The following FHL2 variants were observed in gnomAD, a reference collection of about 807,000 sequenced individuals.
FHL2 encodes four and a half LIM domains 2, also known as four and a half LIM domains protein 2.
Under a neutral mutation model 32.7 loss-of-function variants are expected in FHL2, and 20 were observed. The ratio of observed to expected loss-of-function variants is 0.61; its 90% CI spans 0.43 to 0.89. The LOEUF (loss-of-function observed/expected upper bound fraction) is 0.89, where lower values mean the gene tolerates loss of function less well. Among genes scored for constraint, FHL2 ranks in the 40% least tolerant of loss-of-function variants. The pLI is 0.00. For missense variants in FHL2, 311 were observed against 358.6 expected (o/e 0.87, Z 1.07); for synonymous variants, 123 against 128.1 (o/e 0.96, Z 0.27).
intron 4 of FHL2, among the ~76,000 whole-genome samples, chr2:105,372,943 CA>C (rs2104529789): frequency 6.6e-6 from 1 of 152,286 alleles, no homozygotes; most frequent in Non-Finnish European, 1.5e-5. Flanking sequence ...AAAAACAAAA[CA>C]AAACAAATAA....
intron 1 of FHL2, among the ~76,000 whole-genome samples, chr2:105,406,945 C>T (rs1346452078): frequency 6.6e-6 from 1 of 152,170 alleles, no homozygotes; most frequent in East Asian, 1.9e-4. Context: ...GCCATCATAG[C>T]CTCATTTTTG....
At chr2:105,429,504 T>C (rs1684363078) in intron 1 of FHL2, among the ~76,000 whole-genome samples, 1 of 152,106 alleles carries the variant, frequency 6.6e-6, no homozygotes, top group Non-Finnish European at 1.5e-5. Context: ...GCTTTGAAGA[T>C]AGAAGAAGGG....
At chr2:105,400,686 A>ATTTTTTTTTTT (rs57296524), upstream of FHL2, among the ~76,000 whole-genome samples, 11 of 132,806 alleles carry the variant, frequency 8.3e-5, no homozygotes, top group East Asian at 2.2e-4. Context: ...TTATATTTTA[A>ATTTTTTTTTTT]TTTTTTTTTT....
intron 2 of FHL2, among the ~76,000 whole-genome samples, chr2:105,388,561 G>A (rs968085262): frequency 1.3e-5 from 2 of 151,782 alleles, no homozygotes; most frequent in African/African-American, 4.8e-5. Context: ...AGTCACTCAC[G>A]CCTGTAATCC....
At chr2:105,418,575 C>A (rs1349707921) in intron 1 of FHL2, among the ~76,000 whole-genome samples, 1 of 152,226 alleles carries the variant, frequency 6.6e-6, no homozygotes, top group Non-Finnish European at 1.5e-5. Flanking sequence ...CCGTTCTGCA[C>A]TTTACATTTT....
Position 105,396,695 on chromosome 2 carries a change from C to T in FHL2, c.-73G>A. ...GTCTCCAGGAAGACACAGTTCTCAG[C>T]CACTAGAGAAAGCACACGTGTTTTG... On this transcript the variant is annotated splice_region_variant and 5_prime_UTR_variant, in exon 2 of 7. Transcript: ENST00000530340. 1 of 1,612,752 alleles carries T rather than the reference C, an allele frequency of 6.2e-7. No individual in the cohort carries two copies.
intron 4 of FHL2, among the ~76,000 whole-genome samples, chr2:105,372,662 G>A (rs1334859645): frequency 2.6e-5 from 4 of 152,032 alleles, no homozygotes; most frequent in African/African-American, 9.7e-5. Context: ...GGTGGTGCAC[G>A]CCTGTAGTCT....
chr2:105,402,002 AATATATAC>A (rs1683479376), upstream of FHL2, among the ~76,000 whole-genome samples: 1 of 150,752 alleles, frequency 6.6e-6, no homozygotes, highest in African/African-American at 2.4e-5. Context: ...TATATACACG[AATATATAC>A]ATATATACGT....
At chr2:105,414,470 C>T (rs1352825869) in intron 1 of FHL2, among the ~76,000 whole-genome samples, 1 of 152,084 alleles carries the variant, frequency 6.6e-6, no homozygotes. Flanking sequence ...TAGCTAGGAC[C>T]CGCCCCCCCT....
rs192438365 is a variant in FHL2 at position 105,369,199 on chromosome 2, G to A, written c.332-1460C>T. Among the ~76,000 whole-genome samples, 43 of 152,308 alleles carry A rather than the reference G, an allele frequency of 2.8e-4. 1 individual carries two copies. Among genetic ancestry groups the A allele is most frequent in the African/African-American group, 9.4e-4 (39 of 41,562 alleles). ...CAACTGGGGGTCAGGGAATGATGGGGAATCAAGCCGACAGAGGGACTGCCC... is the reference window on the plus strand; with the variant it reads ...CAACTGGGGGTCAGGGAATGATGGGAAATCAAGCCGACAGAGGGACTGCCC... On this transcript the variant is annotated intron_variant, in intron 4 of 6. Coordinates refer to ENST00000530340, the MANE Select transcript of FHL2 (RefSeq NM_001318895.3).
upstream of FHL2, chr2:105,399,707 T>G: frequency 7.5e-7 from 1 of 1,328,878 alleles, no homozygotes; most frequent in Non-Finnish European, 1.0e-6. Context: ...GCCCGGGCCC[T>G]CTGCGTGACG....
At chr2:105,406,183 A>G (rs576697826) in intron 1 of FHL2, among the ~76,000 whole-genome samples, 53 of 152,366 alleles carry the variant, frequency 3.5e-4, no homozygotes, top group African/African-American at 1.2e-3. Flanking sequence ...CTGAAGTACC[A>G]GAAACAGATT....
At chr2:105,396,970 C>T (rs567411101) in intron 1 of FHL2, 17 of 370,788 alleles carry the variant, frequency 4.6e-5, no homozygotes, top group Middle Eastern at 7.8e-4. Flanking sequence ...AACTGGCCCT[C>T]GGCACAGGAC....
chr2:105,391,705 A>G (rs1485283604), intron 2 of FHL2, among the ~76,000 whole-genome samples: 4 of 152,194 alleles, frequency 2.6e-5, no homozygotes, highest in African/African-American at 9.7e-5. Flanking sequence ...ATCAGAGCCC[A>G]TTTCTGAATG....
At chr2:105,433,477 C>G (rs187214503) in intron 1 of FHL2, among the ~76,000 whole-genome samples, 1 of 152,136 alleles carries the variant, frequency 6.6e-6, no homozygotes, top group Non-Finnish European at 1.5e-5. Context: ...CCACCGCGCC[C>G]GGCTTCATTT....
At chr2:105,387,377 C>T (rs965284767) in intron 2 of FHL2, among the ~76,000 whole-genome samples, 1 of 152,178 alleles carries the variant, frequency 6.6e-6, no homozygotes, top group Non-Finnish European at 1.5e-5. Flanking sequence ...GGCACTAATA[C>T]CCTTGACCTG....
intron 1 of FHL2, among the ~76,000 whole-genome samples, chr2:105,428,569 G>T (rs913953070): frequency 2.0e-5 from 3 of 152,210 alleles, no homozygotes; most frequent in African/African-American, 7.2e-5. Flanking sequence ...CTCTCCTGCG[G>T]ACAGGCCCGC....
intron 4 of FHL2, among the ~76,000 whole-genome samples, chr2:105,368,277 A>C (rs1033421062): frequency 6.6e-6 from 1 of 152,220 alleles, no homozygotes; most frequent in Non-Finnish European, 1.5e-5. Flanking sequence ...CCAAGTTGTG[A>C]TGTATCTAGG....
downstream of FHL2, chr2:105,359,707 A>G (rs1680143143): frequency 6.6e-6 from 1 of 152,166 alleles, no homozygotes; most frequent in Non-Finnish European, 1.5e-5. Context: ...TTTTACTGTA[A>G]TGACTGTGTG....
Sources: gnomAD v4.1 joint callset for allele counts (sites outside exome capture counted in the v4.1 genomes callset) on GRCh38, gnomAD v4.1.1 for gene constraint, MANE v1.5 for transcripts, NCBI Gene and HGNC (gene_info 2026-07-23, HGNC 2026-07-21) for gene names.